The following PCCA variants were observed in gnomAD, a reference collection of about 807,000 sequenced individuals.
PCCA encodes propionyl-CoA carboxylase subunit alpha.
A neutral mutation model predicts 101.3 loss-of-function variants in PCCA; 74 were observed. The observed-to-expected ratio is 0.73, with a 90% confidence interval of 0.61 to 0.89. The LOEUF is 0.89. Among genes scored for constraint, PCCA ranks in the 40% least tolerant of loss-of-function variants. The pLI, the probability that PCCA is intolerant of heterozygous loss-of-function variation, is 0.00. For synonymous variants in PCCA, 294 were observed against 313.6 expected (o/e 0.94, Z 0.66); for missense variants, 891 against 907.0 (o/e 0.98, Z 0.23).
At chr13:100,505,039 T>C (rs879605608) in intron 21 of PCCA, among the ~76,000 whole-genome samples, 16 of 152,196 alleles carry the variant, frequency 1.1e-4, no homozygotes, top group Non-Finnish European at 1.8e-4. Flanking sequence ...TTCCCAAGCT[T>C]GTAAGTGGAA....
chr13:100,173,901 G>A (rs1276081866), intron 6 of PCCA, among the ~76,000 whole-genome samples: 1 of 152,172 alleles, frequency 6.6e-6, no homozygotes. Flanking sequence ...CTTGCCTGCT[G>A]CCATGTAAGA....
At chr13:100,279,356 G>T (rs2063908604) in intron 12 of PCCA, among the ~76,000 whole-genome samples, 1 of 152,014 alleles carries the variant, frequency 6.6e-6, no homozygotes, top group Non-Finnish European at 1.5e-5. Flanking sequence ...TGTGATAGGG[G>T]GTATTTGATG....
At chr13:100,222,718 A>G (rs2390402) in intron 7 of PCCA, among the ~76,000 whole-genome samples, 34,510 of 152,138 alleles carry the variant, frequency 0.23, 5,281 homozygotes, top group East Asian at 0.59. Context: ...CTTTAAAATT[A>G]GTCTACAGTG....
intron 1 of PCCA, among the ~76,000 whole-genome samples, chr13:100,091,589 G>A (rs1417081754): frequency 6.6e-6 from 1 of 152,158 alleles, no homozygotes; most frequent in African/African-American, 2.4e-5. Context: ...TCTGTTTGAA[G>A]CTGAATCTTT....
chr13:100,091,958 G>A (rs1348654947), intron 1 of PCCA, among the ~76,000 whole-genome samples: 1 of 151,906 alleles, frequency 6.6e-6, no homozygotes, highest in Non-Finnish European at 1.5e-5. Flanking sequence ...GTCTCGCTCT[G>A]TTGCCAGGCT....
intron 1 of PCCA, 66 bp from the exon 2 acceptor site, chr13:100,102,817 A>C: frequency 9.5e-7 from 1 of 1,051,158 alleles, no homozygotes; most frequent in Non-Finnish European, 1.5e-6. Context: ...TGGAAGAAAT[A>C]TCCTGAAAAA....
intron 1 of PCCA, among the ~76,000 whole-genome samples, chr13:100,098,957 T>C (rs908906980): frequency 6.6e-6 from 1 of 152,166 alleles, no homozygotes; most frequent in Non-Finnish European, 1.5e-5. Flanking sequence ...CAATGCATGA[T>C]GAAATACCGT....
chr13:100,260,465 C>T (rs1017692371), intron 9 of PCCA, among the ~76,000 whole-genome samples: 3 of 150,522 alleles, frequency 2.0e-5, no homozygotes, highest in Admixed American at 6.6e-5. Context: ...GGTGCGATCT[C>T]GGCTCACTGC....
chr13:100,218,727 AGTGAT>A (rs1214428665), intron 7 of PCCA, among the ~76,000 whole-genome samples: 3 of 152,214 alleles, frequency 2.0e-5, no homozygotes, highest in Admixed American at 2.0e-4. Flanking sequence ...ATATGGCAAA[AGTGAT>A]GGGATGTCAC....
Position 100,340,636 on chromosome 13 carries a change from T to C in PCCA, c.1643+377T>C, listed in dbSNP as rs181902332. ...ATCTGGGCAGTTAAAAAAATATATA[T>C]CAGAAACTAGTGAACACACAAGAAG... On this transcript the variant is annotated intron_variant, in intron 18 of 23. Coordinates refer to ENST00000376285, the MANE Select transcript of PCCA (RefSeq NM_000282.4). 5.2e-3 allele frequency among the ~76,000 whole-genome samples: 790 copies of C among 152,258 alleles called. 6 individuals are homozygous for C. The highest frequency in any genetic ancestry group is 9.1e-3 in the Non-Finnish European group (617 of 68,018).
At chr13:100,091,038 T>A (rs549449507) in intron 1 of PCCA, among the ~76,000 whole-genome samples, 3 of 152,272 alleles carry the variant, frequency 2.0e-5, no homozygotes, top group Admixed American at 2.0e-4. Context: ...AAAGGTCCTG[T>A]GGCCAGAGGG....
intron 20 of PCCA, among the ~76,000 whole-genome samples, chr13:100,436,758 A>G (rs1438093500): frequency 3.3e-5 from 5 of 152,212 alleles, no homozygotes; most frequent in South Asian, 2.1e-4. Flanking sequence ...TAAATGCTCA[A>G]TAATTGGATG....
intron 12 of PCCA, among the ~76,000 whole-genome samples, chr13:100,280,114 A>C (rs924157592): frequency 6.6e-6 from 1 of 151,746 alleles, no homozygotes; most frequent in Non-Finnish European, 1.5e-5. Flanking sequence ...GAGATGCAAC[A>C]CTAAGAAAGT....
chr13:100,364,576 A>G (rs1365543571), intron 18 of PCCA, among the ~76,000 whole-genome samples: 1 of 152,236 alleles, frequency 6.6e-6, no homozygotes, highest in Non-Finnish European at 1.5e-5. Flanking sequence ...CATTTTATTT[A>G]AAAACCCAAA....
intron 21 of PCCA, among the ~76,000 whole-genome samples, chr13:100,455,016 G>T (rs1293906551): frequency 6.6e-6 from 1 of 152,056 alleles, no homozygotes; most frequent in Non-Finnish European, 1.5e-5. Context: ...AAAGACTAAA[G>T]ACAGGAAATA....
intron 19 of PCCA, among the ~76,000 whole-genome samples, chr13:100,371,021 A>G (rs1257293199): frequency 6.6e-6 from 1 of 152,190 alleles, no homozygotes; most frequent in Non-Finnish European, 1.5e-5. Context: ...ATTATAAGAT[A>G]TTTCTAATAA....
intron 7 of PCCA, among the ~76,000 whole-genome samples, chr13:100,234,960 A>T (rs996779188): frequency 2.6e-5 from 4 of 151,862 alleles, no homozygotes; most frequent in African/African-American, 9.7e-5. Flanking sequence ...TTTCAACATT[A>T]TCTTTATTGT....
Position 100,416,462 on chromosome 13 carries a change from G to A in PCCA, c.1747-9171G>A, listed in dbSNP as rs115926088. On this transcript the variant is annotated intron_variant, in intron 19 of 23. Coordinates refer to ENST00000376285, the MANE Select transcript of PCCA (RefSeq NM_000282.4). ...CTCCCAAAATTCTGGGATTAGAGGCGTGAGCCACCGTGCCCAGCCAAATCA... is the reference window on the plus strand; with the variant it reads ...CTCCCAAAATTCTGGGATTAGAGGCATGAGCCACCGTGCCCAGCCAAATCA... 1.9e-3 allele frequency among the ~76,000 whole-genome samples: 282 copies of A among 152,190 alleles called. 1 individual carries two copies. The highest frequency in any genetic ancestry group is 6.5e-3 in the African/African-American group (271 of 41,534).
At chr13:100,275,462 T>C (rs2063583644) in intron 12 of PCCA, among the ~76,000 whole-genome samples, 1 of 152,210 alleles carries the variant, frequency 6.6e-6, no homozygotes, top group Non-Finnish European at 1.5e-5. Flanking sequence ...TTTTGCGTGC[T>C]ATGGCTTTCT....
Sources: allele counts gnomAD v4.1 joint callset (sites outside exome capture counted in the v4.1 genomes callset), GRCh38; gene constraint gnomAD v4.1.1; transcripts MANE v1.5; gene names NCBI Gene and HGNC (gene_info 2026-07-23, HGNC 2026-07-21).